Variants in NOL3 observed in about 807,000 individuals in gnomAD.
NOL3 encodes the protein nucleolar protein 3, also known as muscle-enriched cytoplasmic protein.
A neutral mutation model predicts 19.2 loss-of-function variants in NOL3; 18 were observed. The ratio of observed to expected loss-of-function variants is 0.94; its 90% CI spans 0.65 to 1.39. The LOEUF is 1.39. Ranked by LOEUF, NOL3 falls within the 40% of genes most tolerant of loss-of-function variation. NOL3 has a pLI of 0.00. For missense variants in NOL3, 290 were observed against 289.5 expected, an observed-to-expected ratio of 1.00 and a Z score of -0.01; for synonymous variants, 127 against 137.3, an observed-to-expected ratio of 0.93 and a Z score of 0.52.
intron 1 of NOL3, chr16:67,173,909 CG>C: frequency 6.5e-7 from 1 of 1,535,972 alleles, no homozygotes; most frequent in Middle Eastern, 1.7e-4. Context: ...AGGAGAGCCA[CG>C]GCTGACGCTT....
At chr16:67,174,797 G>A (rs545480182) in exon 3 of NOL3, 1 of 1,606,210 alleles carries the variant, frequency 6.2e-7, no homozygotes, top group South Asian at 1.1e-5. Flanking sequence ...GCCAGAGCTG[G>A]AAGCTGAGGC....
chr16:67,172,692 C>T, intron 1 of NOL3: 1 of 151,372 alleles, frequency 6.6e-6, no homozygotes, highest in South Asian at 2.1e-4. Context: ...AAGAGCCAGG[C>T]ATGGTGGTTC....
chr16:67,173,925 A>G (rs1274945937), intron 1 of NOL3: 2 of 1,536,090 alleles, frequency 1.3e-6, no homozygotes, highest in Admixed American at 3.9e-5. Context: ...ACGCTTGGGG[A>G]CAGAAGGAGG....
In NOL3 at chr16:67,173,581, A is replaced by G. The variant is rs2031901457; in HGVS notation, c.-8-581A>G. Among the ~76,000 whole-genome samples the G allele has an allele frequency of 2.6e-5, 4 of 152,160 alleles. No individual in the cohort carries two copies. In the South Asian group the frequency reaches 6.2e-4, roughly 24 times the overall value. ...GGACTGGAGGATAGAGTATGGAAGC[A>G]GGGAGCTCTGATCCTGGGTTCTGCA... On this transcript the variant is annotated intron_variant, in intron 1 of 3. Transcript: ENST00000268605.
intron 1 of NOL3, chr16:67,173,700 A>G (rs1466035777): frequency 1.6e-6 from 1 of 620,706 alleles, no homozygotes; most frequent in Non-Finnish European, 2.8e-6. Context: ...CTTGTCTGCA[A>G]GCTGGGTGTG....
Position 67,174,954 on chromosome 16 carries a change from C to T in NOL3, c.619+10C>T, listed in dbSNP as rs775266808. ...AGGGACGAGTCCGAAGGTGTGAGTC[C>T]GCCCAAACCCTGAGCCGGCTTGGCG... On this transcript the variant is annotated intron_variant, in intron 3 of 3. Transcript: ENST00000268605. The T allele has an allele frequency of 1.6e-5, 25 of 1,609,232 alleles. 1 individual carries two copies. In the Middle Eastern group the frequency reaches 6.6e-4, roughly 42 times the overall value.
intron 1 of NOL3, chr16:67,173,863 G>C: frequency 1.3e-6 from 2 of 1,534,708 alleles, no homozygotes; most frequent in Non-Finnish European, 1.7e-6. Context: ...GGCATTCAGA[G>C]AGTAGATGCC....
chr16:67,175,007 C>T lies in NOL3; in HGVS notation c.620-40C>T, dbSNP rs776101651. The T allele has an allele frequency of 9.3e-6, 15 of 1,612,418 alleles. No individual in the cohort carries two copies. The East Asian group carries it at 1.1e-4, about 12-fold the overall frequency. ...AGGGCATGGCCTGGGAAGCGGATGC[C>T]GGACCCCACCTCTTTGACCACTGTT... On this transcript the variant is annotated intron_variant, in intron 3 of 3. Transcript: ENST00000268605.
exon 3 of NOL3, chr16:67,174,722 C>T (rs1316053328): frequency 1.2e-6 from 2 of 1,610,708 alleles, no homozygotes; most frequent in Non-Finnish European, 1.7e-6. Flanking sequence ...AGCTTCAGAC[C>T]CTGACGAGGC....
At chr16:67,175,459 C>A (rs572482628) in exon 4 of NOL3, 1 of 575,628 alleles carries the variant, frequency 1.7e-6, no homozygotes. Context: ...CTCAACCCCA[C>A]GCAAGTTCCT....
intron 1 of NOL3, among the ~76,000 whole-genome samples, chr16:67,173,256 C>T (rs1195035676): frequency 6.6e-6 from 1 of 152,060 alleles, no homozygotes; most frequent in East Asian, 1.9e-4. Flanking sequence ...AGCAGGGAGC[C>T]AGGTGGGTCA....
exon 4 of NOL3, chr16:67,175,557 G>C (rs1014585924): frequency 6.0e-6 from 1 of 166,380 alleles, no homozygotes; most frequent in South Asian, 1.8e-4. Context: ...GACTAGAAGA[G>C]GGGAGCAGAA....
At chr16:67,175,397 T>A (rs1419605558) in exon 4 of NOL3, 6 of 1,171,842 alleles carry the variant, frequency 5.1e-6, no homozygotes, top group South Asian at 6.3e-5. Context: ...CCTGCCCGCA[T>A]ACACAACCCA....
intron 1 of NOL3, chr16:67,173,824 G>A (rs745763631): frequency 1.3e-6 from 2 of 1,511,606 alleles, no homozygotes; most frequent in South Asian, 1.2e-5. Context: ...TTTGCCGGGG[G>A]TGGAGCTCAG....
At chr16:67,172,183 G>A (rs973858985) in intron 1 of NOL3, among the ~76,000 whole-genome samples, 1 of 145,884 alleles carries the variant, frequency 6.9e-6, no homozygotes, top group Non-Finnish European at 1.5e-5. Context: ...GCGGGGAGGA[G>A]AAGAAGTTAT....
In NOL3 at chr16:67,175,226, C is replaced by T. The variant is rs531349187; in HGVS notation, c.*172C>T. ...TCTCTCCACGATTCTGGCTGTTTGC[C>T]CAGGAACTTAGGGTGGGTACCTCTG... On this transcript the variant is annotated 3_prime_UTR_variant, in exon 4 of 4. Transcript: ENST00000268605. 2.1e-4 allele frequency: 323 copies of T among 1,508,048 alleles called. No homozygotes were observed. In the African/African-American group the frequency reaches 2.5e-3, roughly 12 times the overall value. 93.4% of individuals were successfully genotyped at this position (1,508,048 alleles called of 1,614,324 possible).
Position 67,174,737 on chromosome 16 carries a change from G to A in NOL3, c.412G>A (p.Gly138Ser), listed in dbSNP as rs1417993816. 1.9e-6 allele frequency: 3 copies of A among 1,610,334 alleles called. No individual in the cohort carries two copies. Among genetic ancestry groups the A allele is most frequent in the African/African-American group, 1.3e-5 (1 of 74,986 alleles). ...AGCTTCAGACCCTGACGAGGCCGGG[G>A]GCCCTGAGGGCTCCGAGGCGGTGCA... Residue 138 changes from glycine (G) to serine (S), a missense_variant, in exon 3 of 4, where the codon GGC (glycine) becomes AGC (serine). Coordinates refer to ENST00000268605, the Ensembl canonical transcript of NOL3.
chr16:67,172,949 AAT>A (rs541966490), intron 1 of NOL3: 102 of 150,646 alleles, frequency 6.8e-4, no homozygotes, highest in Admixed American at 5.7e-3. Context: ...AAATACAAAA[AAT>A]ATATATAGCA....
chr16:67,174,252 G>T lies in NOL3; in HGVS notation c.83G>T (p.Gly28Val), dbSNP rs755933859. The T allele has an allele frequency of 7.4e-6, 12 of 1,612,670 alleles. 1 individual carries two copies. In the Admixed American group the frequency reaches 1.7e-4, roughly 22 times the overall value. ...GTCGAGACGCTGCAGGCGGACTCGG[G>T]ACTGCTGTTGGACGCGCTGCTGGCG... The change falls in exon 2 of 4, where the codon GGA becomes GTA. Residue 28 changes from glycine (G) to valine (V), a missense_variant. Gly to Val is a moderately radical substitution (Grantham distance 109). Around this residue, in one of 3 missense-constraint regions of NOL3, gnomAD observed 153 missense variants for 149.4 expected, o/e 1.02. Coordinates refer to ENST00000268605, the Ensembl canonical transcript of NOL3.
Sources: gnomAD v4.1 joint callset for allele counts (sites outside exome capture counted in the v4.1 genomes callset) on GRCh38, gnomAD v4.1.1 for gene constraint, gnomAD v4.1.1 regional missense constraint, MANE v1.5 for transcripts, NCBI Gene and HGNC (gene_info 2026-07-23, HGNC 2026-07-21) for gene names.